Variants in ARHGAP4 observed in about 807,000 individuals in gnomAD.
ARHGAP4 encodes Rho GTPase activating protein 4, also known as rho GTPase-activating protein 4.
A neutral mutation model predicts 67.6 loss-of-function variants in ARHGAP4; 25 were observed. The observed-to-expected ratio is 0.37, with a 90% CI of 0.27 to 0.52. ARHGAP4 has a LOEUF of 0.52. Among genes scored for constraint, ARHGAP4 ranks in the 20% least tolerant of loss-of-function variants. ARHGAP4 has a pLI of 0.92. For synonymous variants in ARHGAP4, 448 were observed against 373.7 expected, an observed-to-expected ratio of 1.20 and a Z score of -2.29; for missense variants, 804 against 854.6, an observed-to-expected ratio of 0.94 and a Z score of 0.74.
intron 7 of ARHGAP4, among the ~76,000 whole-genome samples, chrX:153,917,581 C>G (rs1603286551): frequency 1.8e-5 from 2 of 111,676 alleles, no homozygotes; most frequent in East Asian, 5.6e-4. Context: ...CATGGTGAAA[C>G]TCCCTTGCTA....
In ARHGAP4 at chrX:153,910,850, T is replaced by C. The variant is rs1557103052; in HGVS notation, c.1682-16A>G. Reference sequence around the variant, plus strand: ...GGGTCCTCCCCTGCAGATGGGCGAGTGGTGCGGTAGGGGGAGGAAGCTGGT... The same window carrying C: ...GGGTCCTCCCCTGCAGATGGGCGAGCGGTGCGGTAGGGGGAGGAAGCTGGT... On this transcript the variant is annotated splice_polypyrimidine_tract_variant and intron_variant, in intron 14 of 21. Coordinates refer to ENST00000350060, the MANE Select transcript of ARHGAP4 (RefSeq NM_001666.5). 2 of 1,187,118 alleles carry C rather than the reference T, an allele frequency of 1.7e-6. No homozygotes were observed. The highest frequency in any genetic ancestry group is 2.5e-4 in the Middle Eastern group (1 of 3,932).
In ARHGAP4 at chrX:153,921,715, C is replaced by G. The variant is rs2065096482; in HGVS notation, c.162G>C (p.Arg54=). The G allele has an allele frequency of 8.3e-7, 1 of 1,203,103 alleles. No individual in the cohort carries two copies. Among genetic ancestry groups the G allele is most frequent in the African/African-American group, 1.7e-5 (1 of 57,617 alleles). ...ATTCCAGCTCCACCTCAGCGCGGCG[C>G]CGCATGAACTCTGCCAGCTCCTGCA... is the stretch of plus-strand genomic sequence containing the variant. The part of the protein sequence containing the change: ...ELLQELAEFM[R]RRAEVELEYS... The change falls in exon 2 of 22, where the codon CGG becomes CGC. Residue 54 remains arginine (R), a synonymous_variant. Coordinates refer to ENST00000350060, the MANE Select transcript of ARHGAP4 (RefSeq NM_001666.5).
chrX:153,909,489 A>G lies in ARHGAP4; in HGVS notation c.2461T>C (p.Ser821Pro). 1 of 1,207,534 alleles carries G rather than the reference A, an allele frequency of 8.3e-7. No individual in the cohort carries two copies. Among genetic ancestry groups the G allele is most frequent in the Non-Finnish European group, 1.1e-6 (1 of 893,883 alleles). ...VGAGLQTAGESGSSPEGLLAS... is the reference protein window; with the variant it reads ...VGAGLQTAGEPGSSPEGLLAS... ...AGGAGGCCCTCGGGACTGCTCCCAG[A>G]CTCCCCTGCAGTCTGCAGCCCTGCG... Residue 821 changes from serine to proline, a missense_variant, in exon 20 of 22, where the codon TCT becomes CCT. Physicochemically the swap from Ser to Pro is moderately conservative, Grantham distance 74. Transcript: ENST00000350060.
At chrX:153,918,393 G>A (rs1406095239) in intron 7 of ARHGAP4, among the ~76,000 whole-genome samples, 14 of 111,931 alleles carry the variant, frequency 1.3e-4, no homozygotes, top group Admixed American at 1.1e-3. Flanking sequence ...TGGTGATGCC[G>A]GACTCTTCGT....
chrX:153,921,876 G>A, intron 1 of ARHGAP4, 67 bp from the exon 2 acceptor site: 3 of 1,097,653 alleles, frequency 2.7e-6, no homozygotes, highest in Non-Finnish European at 3.6e-6. Flanking sequence ...GCCAGCGTGG[G>A]ATGGGAGAGG....
At chrX:153,926,107 C>G in intron 1 of ARHGAP4, 29 bp downstream of exon 1, 2 of 1,199,561 alleles carry the variant, frequency 1.7e-6, no homozygotes, top group Non-Finnish European at 1.1e-6. Context: ...CCGCAGGAAA[C>G]GGGCCGGGAG....
chrX:153,916,297 C>T (rs1196200475), intron 7 of ARHGAP4, among the ~76,000 whole-genome samples: 2 of 113,048 alleles, frequency 1.8e-5, no homozygotes, highest in African/African-American at 6.4e-5. Context: ...CAGGACCAAG[C>T]CCCACTTACC....
Position 153,926,237 on chromosome X carries a change from CT to C in ARHGAP4, c.-36del. ...GCGGCCGCGCCGTCGAACCCCACTG[CT>C]CCCACGCGGCCGTGAGCGGGCCCGG... is the stretch of plus-strand genomic sequence containing the variant. On this transcript the variant is annotated 5_prime_UTR_variant, in exon 1 of 22. Transcript: ENST00000350060. 2.7e-6 allele frequency: 3 copies of C among 1,122,074 alleles called. No individual in the cohort carries two copies. Among genetic ancestry groups the C allele is most frequent in the Middle Eastern group, 2.7e-4 (1 of 3,759 alleles). 92.5% of individuals were successfully genotyped at this position (1,122,074 alleles called of 1,213,427 possible).
At chrX:153,908,205 T>C (rs1333288576) in intron 21 of ARHGAP4, among the ~76,000 whole-genome samples, 8 of 111,294 alleles carry the variant, frequency 7.2e-5, no homozygotes, top group Non-Finnish European at 1.9e-5. Context: ...GGGACCCCCC[T>C]CTTCTCGCCC....
intron 1 of ARHGAP4, among the ~76,000 whole-genome samples, chrX:153,924,263 T>C (rs781937742): frequency 2.8e-4 from 31 of 111,894 alleles, no homozygotes; most frequent in Non-Finnish European, 4.7e-4. Context: ...GCTGCCTTTC[T>C]TCATCACTGC....
At chrX:153,913,637 G>A in intron 8 of ARHGAP4, 37 bp from the exon 9 acceptor site, 3 of 1,180,126 alleles carry the variant, frequency 2.5e-6, no homozygotes, top group Non-Finnish European at 3.4e-6. Flanking sequence ...TAAGAGGTGG[G>A]GGACAGGGAG....
chrX:153,911,063 C>G (rs1557103168), intron 13 of ARHGAP4, 64 bp from the exon 14 acceptor site: 1 of 1,164,273 alleles, frequency 8.6e-7, no homozygotes, highest in Non-Finnish European at 1.1e-6. Flanking sequence ...GGATGGCCTC[C>G]CATGCCAGGT....
chrX:153,922,409 G>A, intron 1 of ARHGAP4: 1 of 754,261 alleles, frequency 1.3e-6, no homozygotes, highest in South Asian at 6.7e-5. Context: ...GTGAAAGAAT[G>A]GGGCAGGGAG....
chrX:153,921,323 A>G (rs1557105253), intron 3 of ARHGAP4, 42 bp downstream of exon 3: 1 of 1,208,285 alleles, frequency 8.3e-7, no homozygotes, highest in Non-Finnish European at 1.1e-6. Flanking sequence ...TCCTGATCCC[A>G]AAGCCTCGAA....
At chrX:153,914,343 A>G (rs2065040773) in intron 7 of ARHGAP4, 1 of 144,771 alleles carries the variant, frequency 6.9e-6, no homozygotes, top group African/African-American at 3.1e-5. Flanking sequence ...ACCAAATTGT[A>G]CACTTTACAG....
rs1379512495 is a variant in ARHGAP4, at chrX:153,909,457, C to T, written c.2493G>A (p.Ser831=). The change falls in exon 20 of 22, where the codon TCG becomes TCA. Residue 831 remains serine (S), a synonymous_variant. Coordinates refer to ENST00000350060, the MANE Select transcript of ARHGAP4 (RefSeq NM_001666.5). ...SGSSPEGLLA[S]ELVHRPEPCT... is the part of the protein sequence containing the mutation. ...TTCTTGCTCACCGGTGGACCAGCTC[C>T]GATGCCAGGAGGCCCTCGGGACTGC... 94 of 1,202,937 alleles carry T rather than the reference C, an allele frequency of 7.8e-5. No individual in the cohort carries two copies. Among genetic ancestry groups the T allele is most frequent in the Non-Finnish European group, 9.9e-5 (88 of 891,278 alleles).
chrX:153,909,272 G>T, intron 20 of ARHGAP4, 103 bp from the exon 21 acceptor site: 2 of 905,745 alleles, frequency 2.2e-6, no homozygotes, highest in Non-Finnish European at 3.0e-6. Context: ...AAGGAGGCTG[G>T]CCCAGTGGTC....
chrX:153,913,648 G>A, intron 8 of ARHGAP4, 48 bp from the exon 9 acceptor site: 1 of 1,179,600 alleles, frequency 8.5e-7, no homozygotes, highest in Non-Finnish European at 1.1e-6. Flanking sequence ...GGACAGGGAG[G>A]GAGACAGGAA....
chrX:153,920,606 G>A lies in ARHGAP4; in HGVS notation c.681+20C>T. ...GCCCATGGCCCATAGGCCTGCGTCT[G>A]AGGTGCCCTCCAGGCCCACCTTCTC... On this transcript the variant is annotated intron_variant, in intron 5 of 21. Transcript: ENST00000350060. 2.5e-6 allele frequency: 3 copies of A among 1,185,765 alleles called. No homozygotes were observed. Among genetic ancestry groups the A allele is most frequent in the Non-Finnish European group, 3.4e-6 (3 of 882,746 alleles).
Sources: gnomAD v4.1 joint callset for allele counts (sites outside exome capture counted in the v4.1 genomes callset) on GRCh38, gnomAD v4.1.1 for gene constraint, MANE v1.5 for transcripts, NCBI Gene and HGNC (gene_info 2026-07-23, HGNC 2026-07-21) for gene names.